Variants in SDK1 observed in about 807,000 individuals in gnomAD.
SDK1 encodes protein sidekick-1.
SDK1 carries 157 observed loss-of-function variants against 245.5 expected under a neutral mutation model. That is an observed-to-expected ratio of 0.64 (90% CI 0.56 to 0.73). SDK1 has a LOEUF of 0.73. SDK1 is among the 30% of genes least tolerant of loss of function. SDK1 has a pLI of 0.00. For synonymous variants in SDK1, 1,647 were observed against 1,278.5 expected (o/e 1.29, Z -6.15); for missense variants, 3,583 against 3,002.3 (o/e 1.19, Z -4.52).
intron 38 of SDK1, among the ~76,000 whole-genome samples, chr7:4,213,543 C>T (rs574428764): frequency 2.8e-4 from 43 of 152,122 alleles, no homozygotes; most frequent in African/African-American, 1.0e-3. Flanking sequence ...TGAGATCGCA[C>T]CACTGCACTC....
chr7:3,674,508 A>G (rs1178407638), intron 4 of SDK1, among the ~76,000 whole-genome samples: 1 of 152,158 alleles, frequency 6.6e-6, no homozygotes, highest in Non-Finnish European at 1.5e-5. Flanking sequence ...AGAAAGCACA[A>G]TGGAAGTGGT....
chr7:3,865,344 C>T (rs1270289181), intron 5 of SDK1, among the ~76,000 whole-genome samples: 4 of 152,188 alleles, frequency 2.6e-5, no homozygotes, highest in African/African-American at 9.6e-5. Flanking sequence ...TTTCATCCCA[C>T]TCCCTTTGGA....
chr7:4,227,212 G>C, intron 40 of SDK1: 1 of 320,676 alleles, frequency 3.1e-6, no homozygotes, highest in Non-Finnish European at 6.2e-6. Flanking sequence ...CAGCAAGAGG[G>C]GGCTGTTGCC....
intron 22 of SDK1, among the ~76,000 whole-genome samples, chr7:4,083,085 A>G (rs1433137019): frequency 6.6e-6 from 1 of 152,186 alleles, no homozygotes; most frequent in African/African-American, 2.4e-5. Flanking sequence ...AAATGTTAAC[A>G]GCTTTATTGA....
At chr7:3,777,313 A>G (rs1010666176) in intron 4 of SDK1, among the ~76,000 whole-genome samples, 1 of 152,226 alleles carries the variant, frequency 6.6e-6, no homozygotes, top group African/African-American at 2.4e-5. Flanking sequence ...ATCCTGTTTA[A>G]TAGATATTCC....
At chr7:4,167,741 A>T (rs891698602) in intron 32 of SDK1, among the ~76,000 whole-genome samples, 2 of 152,266 alleles carry the variant, frequency 1.3e-5, no homozygotes, top group African/African-American at 2.4e-5. Flanking sequence ...AGTCAGAGAC[A>T]TGCGAAGGGC....
intron 1 of SDK1, among the ~76,000 whole-genome samples, chr7:3,552,007 C>T (rs998018915): frequency 2.0e-5 from 3 of 151,950 alleles, no homozygotes; most frequent in Admixed American, 2.0e-4. Flanking sequence ...TGTGATACAA[C>T]TCCTAAACAT....
chr7:3,309,747 A>G (rs1166174387), intron 1 of SDK1, among the ~76,000 whole-genome samples: 1 of 152,216 alleles, frequency 6.6e-6, no homozygotes, highest in African/African-American at 2.4e-5. Flanking sequence ...TTTAAAAGGA[A>G]GAGATACATG....
intron 32 of SDK1, among the ~76,000 whole-genome samples, chr7:4,172,504 G>A (rs376309504): frequency 4.6e-5 from 7 of 152,166 alleles, no homozygotes; most frequent in Admixed American, 1.3e-4. Flanking sequence ...AAGAAAAAGC[G>A]ATTTCTCTAA....
chr7:4,215,233 G>A lies in SDK1; in HGVS notation c.5540-4876G>A, dbSNP rs927769616. Reference sequence around the variant, plus strand: ...TCACTGAGTCAGCTTATATCTCATCGGGGGCCAGAGCACTGGCATCTGATG... The same window carrying A: ...TCACTGAGTCAGCTTATATCTCATCAGGGGCCAGAGCACTGGCATCTGATG... On this transcript the variant is annotated intron_variant, in intron 38 of 44. Coordinates refer to ENST00000404826, the MANE Select transcript of SDK1 (RefSeq NM_152744.4). 9.3e-4 allele frequency among the ~76,000 whole-genome samples: 142 copies of A among 152,276 alleles called. 1 individual carries two copies. Among genetic ancestry groups the A allele is most frequent in the African/African-American group, 3.1e-3 (130 of 41,550 alleles).
intron 5 of SDK1, among the ~76,000 whole-genome samples, chr7:3,855,002 C>T (rs958001858): frequency 1.3e-5 from 2 of 152,016 alleles, no homozygotes; most frequent in Non-Finnish European, 1.5e-5. Context: ...TCCTCCAGAC[C>T]CTGTACGTCC....
intron 1 of SDK1, among the ~76,000 whole-genome samples, chr7:3,393,023 T>C (rs956810571): frequency 3.0e-5 from 4 of 135,150 alleles, no homozygotes; most frequent in Admixed American, 8.6e-5. Context: ...CAGGCTGTAG[T>C]ACAGTGGCGT....
At chr7:4,009,355 C>T (rs1419265268) in intron 14 of SDK1, among the ~76,000 whole-genome samples, 1 of 152,232 alleles carries the variant, frequency 6.6e-6, no homozygotes, top group Non-Finnish European at 1.5e-5. Context: ...GGCCTTTCGT[C>T]TTCTGCATTG....
intron 1 of SDK1, among the ~76,000 whole-genome samples, chr7:3,588,546 A>G (rs1780760294): frequency 6.6e-6 from 1 of 152,154 alleles, no homozygotes; most frequent in Admixed American, 6.5e-5. Context: ...AGGTCCTGCG[A>G]TCCTGCAGGG....
chr7:3,902,824 G>C (rs752147306), intron 5 of SDK1, among the ~76,000 whole-genome samples: 10 of 151,558 alleles, frequency 6.6e-5, no homozygotes, highest in Non-Finnish European at 1.0e-4. Context: ...GTTTTTGTTT[G>C]TTTTGCTGAA....
chr7:4,193,761 A>C (rs530771952), intron 35 of SDK1, among the ~76,000 whole-genome samples: 2 of 152,244 alleles, frequency 1.3e-5, no homozygotes, highest in East Asian at 3.9e-4. Context: ...AGCAGACTTG[A>C]GACTCAGTAT....
chr7:4,216,295 T>G (rs1459087404), intron 38 of SDK1, among the ~76,000 whole-genome samples: 2 of 151,828 alleles, frequency 1.3e-5, no homozygotes, highest in Admixed American at 6.6e-5. Context: ...CCCGTGGAGG[T>G]TACACCATCC....
chr7:4,168,104 A>G (rs1781607232), intron 32 of SDK1, among the ~76,000 whole-genome samples: 1 of 152,210 alleles, frequency 6.6e-6, no homozygotes. Flanking sequence ...ATCTCTGTGA[A>G]GCCACCGGAC....
chr7:4,014,106 C>T (rs1032079434), intron 16 of SDK1, among the ~76,000 whole-genome samples: 10 of 152,344 alleles, frequency 6.6e-5, no homozygotes, highest in African/African-American at 2.4e-4. Context: ...CAGCACAGGC[C>T]TGTCATCCCT....
Sources: allele counts gnomAD v4.1 joint callset (sites outside exome capture counted in the v4.1 genomes callset), GRCh38; gene constraint gnomAD v4.1.1; transcripts MANE v1.5; gene names NCBI Gene and HGNC (gene_info 2026-07-23, HGNC 2026-07-21).